ELF1: variants seen among roughly 807,000 people sequenced by gnomAD.
ELF1 encodes the protein ETS-related transcription factor Elf-1.
In ELF1, 24 loss-of-function variants were observed where a neutral mutation model predicts 59.9. The observed-to-expected ratio is 0.40, with a 90% CI of 0.29 to 0.56. The LOEUF is 0.56. Ranked by LOEUF, ELF1 falls within the 20% of genes least tolerant of loss-of-function variation. ELF1 has a pLI of 0.44. For missense variants in ELF1, 627 were observed against 742.2 expected (o/e 0.84, Z 1.80); for synonymous variants, 248 against 266.2 (o/e 0.93, Z 0.67).
chr13:41,014,296 TCATA>T (rs1384023399), intron 1 of ELF1, among the ~76,000 whole-genome samples: 1 of 152,122 alleles, frequency 6.6e-6, no homozygotes, highest in East Asian at 1.9e-4. Flanking sequence ...AAACCAATCT[TCATA>T]CAAACTATAG....
intron 1 of ELF1, chr13:40,982,917 C>G (rs1873360515): frequency 7.1e-6 from 7 of 980,060 alleles, no homozygotes; most frequent in Non-Finnish European, 7.3e-6. Context: ...ATCCTTATCT[C>G]TAGTATAGGC....
At chr13:40,937,160 T>C (rs1566163998) in intron 8 of ELF1, among the ~76,000 whole-genome samples, 2 of 152,246 alleles carry the variant, frequency 1.3e-5, no homozygotes, top group Non-Finnish European at 2.9e-5. Context: ...ATGATTAAAC[T>C]GTCAGTTGCG....
chr13:41,000,473 G>A lies in ELF1; in HGVS notation c.-228-18191C>T, dbSNP rs557403248. ...CTGACCTTAATTGATCCGCTTGCTC[G>A]GCCTCCCAAATTGCTGGGATTACAG... On this transcript the variant is annotated intron_variant, in intron 1 of 8. Coordinates refer to ENST00000239882, the MANE Select transcript of ELF1 (RefSeq NM_172373.4). Among the ~76,000 whole-genome samples the A allele has an allele frequency of 6.0e-3, 862 of 143,052 alleles. 8 individuals are homozygous for A. Among genetic ancestry groups the A allele is most frequent in the South Asian group, 0.014 (64 of 4,414 alleles). 93.8% of individuals were successfully genotyped at this position (143,052 alleles called of 152,430 possible).
At chr13:40,986,942 T>C (rs959354973) in intron 1 of ELF1, among the ~76,000 whole-genome samples, 3 of 146,544 alleles carry the variant, frequency 2.0e-5, no homozygotes, top group South Asian at 2.2e-4. Context: ...TTGCTCTTTT[T>C]TTTTTTTTTT....
intron 1 of ELF1, among the ~76,000 whole-genome samples, chr13:40,990,003 C>T (rs4245311): frequency 0.56 from 82,934 of 148,696 alleles, 25,815 homozygotes; most frequent in Non-Finnish European, 0.7. Context: ...CACTAATAAA[C>T]ATTGGTGGAG....
chr13:40,982,910 C>T lies in ELF1; in HGVS notation c.-228-628G>A, dbSNP rs1873360190. 4 of 983,974 alleles carry T rather than the reference C, an allele frequency of 4.1e-6. No homozygotes were observed. In the South Asian group the frequency reaches 1.4e-4, roughly 35 times the overall value. The allele number at this position is 983,974 out of a possible 1,614,324, so 61.0% of individuals were successfully genotyped here. On this transcript the variant is annotated intron_variant, in intron 1 of 8. Transcript: ENST00000239882. ...CTTTTTTAATGCACTGAAATGTATC[C>T]TTATCTCTAGTATAGGCTTGCAAGC...
chr13:41,036,054 G>A lies in ELF1; in HGVS notation c.-229+24784C>T, dbSNP rs9566671. Among the ~76,000 whole-genome samples the A allele has an allele frequency of 2.7e-3, 415 of 151,880 alleles. 8 individuals carry two copies. The East Asian group carries it at 0.049, about 18-fold the overall frequency. Reference sequence around the variant, plus strand: ...CAAGTAGCTGGGACCACAGGTGCCCGCCACCACGCCCGGCTAATTTTTTTT... The same window carrying A: ...CAAGTAGCTGGGACCACAGGTGCCCACCACCACGCCCGGCTAATTTTTTTT... On this transcript the variant is annotated intron_variant, in intron 1 of 1. Coordinates refer to the ELF1 transcript ENST00000405737.
intron 3 of ELF1, among the ~76,000 whole-genome samples, chr13:40,954,931 T>C (rs186583348): frequency 8.0e-5 from 10 of 125,216 alleles, no homozygotes; most frequent in East Asian, 4.8e-4. Flanking sequence ...GTGAGGAGCC[T>C]CTCTGCCTGG....
At chr13:40,958,784 A>G (rs1159825116) in intron 3 of ELF1, 52 bp downstream of exon 3, 1 of 1,536,952 alleles carries the variant, frequency 6.5e-7, no homozygotes, top group Non-Finnish European at 8.7e-7. Context: ...GGATTAGGAC[A>G]CTGCCTAAAG....
rs1869568099 is a variant in ELF1, at chr13:40,933,724, T to G, written c.1561A>C (p.Ser521Arg). The G allele has an allele frequency of 6.2e-7, 1 of 1,614,280 alleles. No individual in the cohort carries two copies. The highest frequency in any genetic ancestry group is 1.3e-5 in the African/African-American group (1 of 75,066). The change falls in exon 9 of 9, where the codon AGT becomes CGT. Residue 521 changes from serine (S) to arginine (R), a missense_variant. Ser to Arg is a moderately radical substitution (Grantham distance 110). Coordinates refer to ENST00000239882, the MANE Select transcript of ELF1 (RefSeq NM_172373.4). ...NVQTICNGTVSVASSPSFSAT... is the reference protein window; with the variant it reads ...NVQTICNGTVRVASSPSFSAT... ...CTGAAGGATGGAGAGGAAGCCACACTGACGGTTCCATTGCAAATGGTCTGA... is the reference window on the plus strand; with the variant it reads ...CTGAAGGATGGAGAGGAAGCCACACGGACGGTTCCATTGCAAATGGTCTGA...
At chr13:40,965,493 T>G (rs1872118713) in intron 2 of ELF1, among the ~76,000 whole-genome samples, 1 of 151,966 alleles carries the variant, frequency 6.6e-6, no homozygotes. Flanking sequence ...TGTGGTGGTG[T>G]GCACCTGTAA....
chr13:41,048,656 G>A (rs916669837), intron 1 of ELF1, among the ~76,000 whole-genome samples: 1 of 151,486 alleles, frequency 6.6e-6, no homozygotes, highest in Admixed American at 6.6e-5. Flanking sequence ...CAAGCAATCC[G>A]CCCACCTCAG....
intron 2 of ELF1, among the ~76,000 whole-genome samples, chr13:40,975,924 A>G (rs1872878957): frequency 6.6e-6 from 1 of 152,232 alleles, no homozygotes; most frequent in Non-Finnish European, 1.5e-5. Flanking sequence ...GAAAAAAGAC[A>G]ATGTCTTACT....
At chr13:41,051,001 G>A (rs1438561303) in intron 1 of ELF1, among the ~76,000 whole-genome samples, 2 of 152,024 alleles carry the variant, frequency 1.3e-5, no homozygotes, top group African/African-American at 4.8e-5. Context: ...GTTTTAATAG[G>A]ACCCATCCTA....
At chr13:41,040,541 G>A (rs1260948334) in intron 1 of ELF1, among the ~76,000 whole-genome samples, 1 of 152,130 alleles carries the variant, frequency 6.6e-6, no homozygotes, top group Non-Finnish European at 1.5e-5. Context: ...GGGGAGGATG[G>A]TTTTGGGATG....
In ELF1 at chr13:40,951,302, T is replaced by C. The variant is rs1207743048; in HGVS notation, c.361+27A>G. 20 of 1,549,608 alleles carry C rather than the reference T, an allele frequency of 1.3e-5. No individual in the cohort carries two copies. In the African/African-American group the frequency reaches 1.4e-4, roughly 11 times the overall value. On this transcript the variant is annotated intron_variant, in intron 4 of 8. Transcript: ENST00000239882. ...GGCAAGAGTAACTTAACAAAGTACA[T>C]AAACATAAACAATCATAATCACTCA...
chr13:41,018,052 T>C (rs1022333865), intron 1 of ELF1, among the ~76,000 whole-genome samples: 1 of 152,230 alleles, frequency 6.6e-6, no homozygotes, highest in Non-Finnish European at 1.5e-5. Flanking sequence ...CCCTTTAATC[T>C]GACAGGCCTT....
chr13:40,966,442 C>A (rs1872177751), intron 2 of ELF1, among the ~76,000 whole-genome samples: 1 of 152,148 alleles, frequency 6.6e-6, no homozygotes, highest in South Asian at 2.1e-4. Flanking sequence ...AGTCACAGTT[C>A]CCCAAATTTC....
chr13:41,037,798 A>AAAAAAAAAG (rs946463221), intron 1 of ELF1, among the ~76,000 whole-genome samples: 54 of 151,986 alleles, frequency 3.6e-4, no homozygotes, highest in African/African-American at 1.3e-3. Context: ...TCCGTCTCAA[A>AAAAAAAAAG]AAAAAAAAGA....
Sources: gnomAD v4.1 joint callset for allele counts (sites outside exome capture counted in the v4.1 genomes callset) on GRCh38, gnomAD v4.1.1 for gene constraint, MANE v1.5 for transcripts, NCBI Gene and HGNC (gene_info 2026-07-23, HGNC 2026-07-21) for gene names.